HTR6: variants seen among roughly 807,000 people sequenced by gnomAD.
HTR6 encodes 5-hydroxytryptamine (serotonin) receptor 6, G protein-coupled.
A neutral mutation model predicts 17.4 loss-of-function variants in HTR6; 15 were observed. The observed-to-expected ratio is 0.86, with a 90% confidence interval of 0.58 to 1.33. The LOEUF is 1.33. HTR6 is among the 40% of genes most tolerant of loss of function. The pLI is 0.00. For synonymous variants in HTR6, 326 were observed against 295.5 expected, an observed-to-expected ratio of 1.10 and a Z score of -1.06; for missense variants, 578 against 616.0, an observed-to-expected ratio of 0.94 and a Z score of 0.65.
rs1001757624 is a variant in HTR6 at position 19,677,469 on chromosome 1, A to G, written c.715-1098A>G. On this transcript the variant is annotated intron_variant, in intron 1 of 2. Coordinates refer to ENST00000289753, the MANE Select transcript of HTR6 (RefSeq NM_000871.3). ...CCTCCTCTTCCTGTCCACTTTTGAG[A>G]ATGGAGATGCCTGCCAGTTCGCAGT... 5.3e-5 allele frequency among the ~76,000 whole-genome samples: 8 copies of G among 152,256 alleles called. 2 individuals carry two copies. Among genetic ancestry groups the G allele is most frequent in the Admixed American group, 6.5e-5 (1 of 15,300 alleles).
At position 19,678,547 on chromosome 1, in the gene HTR6, T is replaced by A. The variant is rs200222462; in HGVS notation, c.715-20T>A. ...CGGGGGCCCTTTCTCAACGGACTCA[T>A]GTGGCCTTCCTTTCCGCAGGTGCCC... On this transcript the variant is annotated intron_variant, in intron 1 of 2. Transcript: ENST00000289753. The A allele has an allele frequency of 1.2e-6, 2 of 1,612,130 alleles. No homozygotes were observed. Among genetic ancestry groups the A allele is most frequent in the African/African-American group, 1.3e-5 (1 of 74,982 alleles).
rs1557427245 is a variant in HTR6, at chr1:19,666,289, A to G, written c.536A>G (p.Gln179Arg). ...CACGCACGGCCACCCGTCCCTGGCCAGTGCCGCCTGCTGGCCAGCCTGCCT... is the reference window on the plus strand; with the variant it reads ...CACGCACGGCCACCCGTCCCTGGCCGGTGCCGCCTGCTGGCCAGCCTGCCT... ...LGHARPPVPG[Q>R]CRLLASLPFV... The change falls in exon 1 of 3, where the codon CAG becomes CGG. Residue 179 changes from glutamine (Q) to arginine (R), a missense_variant. Gln to Arg is a conservative substitution (Grantham distance 43). Transcript: ENST00000289753. This position sits in a 1 kb window ranked among gnomAD's most constrained non-coding sequence, Gnocchi z 4.5. 3 of 1,612,226 alleles carry G rather than the reference A, an allele frequency of 1.9e-6. No individual in the cohort carries two copies. The highest frequency in any genetic ancestry group is 1.7e-6 in the Non-Finnish European group (2 of 1,179,890).
At chr1:19,677,166 CTG>C (rs373136462) in intron 1 of HTR6, among the ~76,000 whole-genome samples, 5 of 151,300 alleles carry the variant, frequency 3.3e-5, no homozygotes, top group South Asian at 2.1e-4. Context: ...GTTTTCTTGT[CTG>C]TGTGTGTGTG....
At position 19,665,185 on chromosome 1, in the gene HTR6, C is replaced by G. The variant is rs1451989207; in HGVS notation, c.-569C>G. ...TGTGCGCCGGATCCCGGTGCCTCCG[C>G]GCCAGCTGAGACCTGCCTTTCCCAG... On this transcript the variant is annotated 5_prime_UTR_variant, in exon 1 of 3. Transcript: ENST00000289753. The surrounding 1 kb of genome is among the most constrained non-coding windows in gnomAD (Gnocchi z 4.2). 1 of 152,164 alleles carries G rather than the reference C, an allele frequency of 6.6e-6. No individual in the cohort carries two copies. 9.4% of individuals were successfully genotyped at this position (152,164 alleles called of 1,614,324 possible).
In HTR6 at chr1:19,665,938, A is replaced by C; in HGVS notation, c.185A>C (p.Asn62Thr). 6.2e-7 allele frequency: 1 copy of C among 1,613,596 alleles called. No individual in the cohort carries two copies. The highest frequency in any genetic ancestry group is 1.1e-5 in the South Asian group (1 of 91,072). ...CTQPALRNTS[N>T]FFLVSLFTSD... ...CAGCCCGCGCTGCGCAACACGTCCA[A>C]CTTCTTCCTGGTGTCGCTCTTCACG... The change falls in exon 1 of 3, where the codon AAC becomes ACC. Residue 62 changes from asparagine to threonine, a missense_variant. Coordinates refer to ENST00000289753, the MANE Select transcript of HTR6 (RefSeq NM_000871.3). This position sits in a 1 kb window ranked among gnomAD's most constrained non-coding sequence, Gnocchi z 4.2.
rs1009018405 is a variant in HTR6 at position 19,665,112 on chromosome 1, TCCCGCGGGGCCTGGCGGCCCCGGCGAACC to T, written c.-635_-607del. On this transcript the variant is annotated 5_prime_UTR_variant, in exon 1 of 3. Coordinates refer to ENST00000289753, the MANE Select transcript of HTR6 (RefSeq NM_000871.3). The surrounding 1 kb of genome is among the most constrained non-coding windows in gnomAD (Gnocchi z 4.2). Reference sequence around the variant, plus strand: ...CGCCGCGCGGCCGCTGCCCTCCTCTTCCCGCGGGGCCTGGCGGCCCCGGCGAACCCCCGCGCCGCACAGGCCGTGTGCGC... The same window carrying T: ...CGCCGCGCGGCCGCTGCCCTCCTCTTCCCGCGCCGCACAGGCCGTGTGCGC... Among the ~76,000 whole-genome samples, 2 of 151,466 alleles carry T rather than the reference TCCCGCGGGGCCTGGCGGCCCCGGCGAACC, an allele frequency of 1.3e-5. No individual in the cohort carries two copies. Among genetic ancestry groups the T allele is most frequent in the African/African-American group, 2.4e-5 (1 of 41,278 alleles).
At position 19,679,206 on chromosome 1, in the gene HTR6, C is replaced by T. The variant is rs769022860; in HGVS notation, c.1161C>T (p.Gly387=). 1.5e-5 allele frequency: 23 copies of T among 1,568,366 alleles called. No individual in the cohort carries two copies. Among genetic ancestry groups the T allele is most frequent in the Middle Eastern group, 1.7e-4 (1 of 5,832 alleles). The change falls in exon 3 of 3, where the codon GGC becomes GGT. Residue 387 remains glycine (G), a synonymous_variant. Transcript: ENST00000289753. The surrounding 1 kb of genome is among the most constrained non-coding windows in gnomAD (Gnocchi z 4.9). The part of the protein sequence containing the change: ...DSDSDSDAGS[G]GSSGLRLTAQ... ...ATTCGGACTCAGACGCAGGCTCAGG[C>T]GGCTCCTCGGGCCTGCGGCTCACGG...
chr1:19,680,965 C>T lies in HTR6; in HGVS notation c.*1597C>T, dbSNP rs186252532. Among the ~76,000 whole-genome samples, 121 of 152,252 alleles carry T rather than the reference C, an allele frequency of 7.9e-4. 1 individual carries two copies. The highest frequency in any genetic ancestry group is 2.8e-3 in the African/African-American group (116 of 41,560). ...ACTCTCAATAAACTCTAGCTGAAGGCAGTGGCTGTGGTGTGGACTGGATTC... is the reference window on the plus strand; with the variant it reads ...ACTCTCAATAAACTCTAGCTGAAGGTAGTGGCTGTGGTGTGGACTGGATTC... On this transcript the variant is annotated 3_prime_UTR_variant, in exon 3 of 3. Coordinates refer to ENST00000289753, the MANE Select transcript of HTR6 (RefSeq NM_000871.3).
In HTR6 at chr1:19,680,136, A is replaced by T. The variant is rs573656203; in HGVS notation, c.*768A>T. ...GTTATCCCATGTGTAAGGTAGAGAAATGATGCCTATCTTGCAGGTTGTCTT... is the reference window on the plus strand; with the variant it reads ...GTTATCCCATGTGTAAGGTAGAGAATTGATGCCTATCTTGCAGGTTGTCTT... On this transcript the variant is annotated 3_prime_UTR_variant, in exon 3 of 3. Coordinates refer to ENST00000289753, the MANE Select transcript of HTR6 (RefSeq NM_000871.3). 6.6e-6 allele frequency among the ~76,000 whole-genome samples: 1 copy of T among 152,324 alleles called. No homozygotes were observed. Among genetic ancestry groups the T allele is most frequent in the Admixed American group, 6.5e-5 (1 of 15,308 alleles).
chr1:19,677,420 T>C (rs2095095686), intron 1 of HTR6, among the ~76,000 whole-genome samples: 2 of 152,162 alleles, frequency 1.3e-5, no homozygotes, highest in African/African-American at 4.8e-5. Context: ...AGTAGCTTCT[T>C]TCTCTTCCTC....
At position 19,665,187 on chromosome 1, in the gene HTR6, C is replaced by T. The variant is rs2095079374; in HGVS notation, c.-567C>T. Reference sequence around the variant, plus strand: ...TGCGCCGGATCCCGGTGCCTCCGCGCCAGCTGAGACCTGCCTTTCCCAGGG... The same window carrying T: ...TGCGCCGGATCCCGGTGCCTCCGCGTCAGCTGAGACCTGCCTTTCCCAGGG... On this transcript the variant is annotated 5_prime_UTR_variant, in exon 1 of 3. Coordinates refer to ENST00000289753, the MANE Select transcript of HTR6 (RefSeq NM_000871.3). The surrounding 1 kb of genome is among the most constrained non-coding windows in gnomAD (Gnocchi z 4.2). The T allele has an allele frequency of 6.6e-6, 1 of 152,074 alleles. No individual in the cohort carries two copies. The allele number at this position is 152,074 out of a possible 1,614,324, so 9.4% of individuals were successfully genotyped here. A position where few individuals can be genotyped will look rare whatever the true frequency, so the allele number is the denominator to read the frequency against.
chr1:19,670,744 G>A (rs374113425), intron 1 of HTR6, among the ~76,000 whole-genome samples: 3 of 152,268 alleles, frequency 2.0e-5, no homozygotes, highest in Non-Finnish European at 2.9e-5. Flanking sequence ...GATTACAGGC[G>A]TGAGCTACCA....
intron 1 of HTR6, among the ~76,000 whole-genome samples, chr1:19,673,943 T>G (rs2095091299): frequency 1.3e-5 from 2 of 149,902 alleles, no homozygotes; most frequent in Admixed American, 1.3e-4. Context: ...CACGGCTCAC[T>G]GCAGCCTTGA....
intron 1 of HTR6, among the ~76,000 whole-genome samples, chr1:19,672,248 T>A (rs2095089098): frequency 6.6e-6 from 1 of 151,958 alleles, no homozygotes; most frequent in South Asian, 2.1e-4. Context: ...TCAGTTCCCA[T>A]GTCTTCCTTC....
chr1:19,671,584 C>A (rs1386999656), intron 1 of HTR6, among the ~76,000 whole-genome samples: 1 of 152,122 alleles, frequency 6.6e-6, no homozygotes, highest in African/African-American at 2.4e-5. Flanking sequence ...ATGTTTGGAC[C>A]TAAAGGAAGT....
Position 19,665,567 on chromosome 1 carries a change from A to C in HTR6, c.-187A>C. 1 of 496,424 alleles carries C rather than the reference A, an allele frequency of 2.0e-6. No homozygotes were observed. The highest frequency in any genetic ancestry group is 3.5e-6 in the Non-Finnish European group (1 of 282,696). The allele number at this position is 496,424 out of a possible 1,614,324, so 30.8% of individuals were successfully genotyped here. A position where few individuals can be genotyped will look rare whatever the true frequency, so the allele number is the denominator to read the frequency against. On this transcript the variant is annotated 5_prime_UTR_variant, in exon 1 of 3. Transcript: ENST00000289753. The surrounding 1 kb of genome is among the most constrained non-coding windows in gnomAD (Gnocchi z 4.2). ...AAATAGCCACACTGTGTCCTCCTGT[A>C]GTCGCTGCCCCCTGACCTAGCGCGA...
rs35519421 is a variant in HTR6 at position 19,674,406 on chromosome 1, C to CTCT, written c.715-4160_715-4159insCTT. On this transcript the variant is annotated intron_variant, in intron 1 of 2. Transcript: ENST00000289753. ...CGTGGTTTATTTAAGCCACTCTTCT[C>CTCT]TTTTTTTTTTTTTTTTTTGAGACAA... Among the ~76,000 whole-genome samples, 675 of 129,340 alleles carry CTCT rather than the reference C, an allele frequency of 5.2e-3. 8 individuals are homozygous for CTCT. Among genetic ancestry groups the CTCT allele is most frequent in the African/African-American group, 0.018 (632 of 34,722 alleles). The allele number at this position is 129,340 out of a possible 152,430, so 84.9% of individuals were successfully genotyped here.
intron 1 of HTR6, among the ~76,000 whole-genome samples, chr1:19,667,010 C>T (rs1187387867): frequency 6.6e-6 from 1 of 152,050 alleles, no homozygotes; most frequent in African/African-American, 2.4e-5. Flanking sequence ...GCTTCAGACT[C>T]TTCAGGCTTC....
In HTR6 at chr1:19,667,393, G is replaced by GT. The variant is rs1475583917; in HGVS notation, c.714+933dup. 2.6e-5 allele frequency among the ~76,000 whole-genome samples: 4 copies of GT among 151,906 alleles called. No homozygotes were observed. The East Asian group carries it at 7.7e-4, about 29-fold the overall frequency. On this transcript the variant is annotated intron_variant, in intron 1 of 2. Coordinates refer to ENST00000289753, the MANE Select transcript of HTR6 (RefSeq NM_000871.3). ...AGGAGGGTCACACATATTGAGATCA[G>GT]TTTTTTTGCTTTTTTTTTTGTTTTT...
Sources: allele counts gnomAD v4.1 joint callset (sites outside exome capture counted in the v4.1 genomes callset), GRCh38; gene constraint gnomAD v4.1.1; non-coding constraint Gnocchi (gnomAD v3.1); transcripts MANE v1.5; gene names NCBI Gene and HGNC (gene_info 2026-07-23, HGNC 2026-07-21).